The following ADGRL2 variants were observed in gnomAD, a reference collection of about 807,000 sequenced individuals.
ADGRL2 encodes the protein calcium-independent alpha-latrotoxin receptor 2.
In ADGRL2, 44 loss-of-function variants were observed where a neutral mutation model predicts 157.4. The ratio of observed to expected loss-of-function variants is 0.28; its 90% CI spans 0.22 to 0.36. The LOEUF (loss-of-function observed/expected upper bound fraction) is 0.36, where lower values mean the gene tolerates loss of function less well. ADGRL2 is among the 10% of genes least tolerant of loss of function. The pLI, the probability that ADGRL2 is intolerant of heterozygous loss-of-function variation, is 1.00. For synonymous variants in ADGRL2, 585 were observed against 624.7 expected, an observed-to-expected ratio of 0.94 and a Z score of 0.95; for missense variants, 1,510 against 1,768.9, an observed-to-expected ratio of 0.85 and a Z score of 2.63.
chr1:81,529,184 A>C (rs554178568), intron 2 of ADGRL2, among the ~76,000 whole-genome samples: 1 of 152,270 alleles, frequency 6.6e-6, no homozygotes, highest in Admixed American at 6.5e-5. Flanking sequence ...GAATCCCAGG[A>C]GGGAAGTAGG....
chr1:81,645,440 C>T (rs1339081308), intron 3 of ADGRL2, among the ~76,000 whole-genome samples: 1 of 146,568 alleles, frequency 6.8e-6, no homozygotes, highest in Non-Finnish European at 1.5e-5. Flanking sequence ...TGCACGAGTA[C>T]ATTACAATAA....
At chr1:81,849,056 T>C (rs2092907689) in intron 2 of ADGRL2, among the ~76,000 whole-genome samples, 1 of 151,956 alleles carries the variant, frequency 6.6e-6, no homozygotes, top group Admixed American at 6.6e-5. Context: ...CCTGTTAGCT[T>C]TCAAAAGCTC....
Position 81,430,081 on chromosome 1 carries a change from C to T in ADGRL2, c.-301-14955C>T, listed in dbSNP as rs368915837. On this transcript the variant is annotated intron_variant, in intron 1 of 24. Coordinates refer to the ADGRL2 transcript ENST00000370721. ...GCTTATTTTGTATTTTCAGTAGAGA[C>T]GGGGTTTTTCCATGTTGGTCAGGCT... Among the ~76,000 whole-genome samples, 410 of 152,126 alleles carry T rather than the reference C, an allele frequency of 2.7e-3. 2 individuals carry two copies. The highest frequency in any genetic ancestry group is 9.4e-3 in the African/African-American group (391 of 41,482).
chr1:81,944,119 G>A (rs575389407), intron 6 of ADGRL2, among the ~76,000 whole-genome samples: 2 of 151,858 alleles, frequency 1.3e-5, no homozygotes, highest in South Asian at 2.1e-4. Flanking sequence ...TTAACTTCTT[G>A]GCGCCAGTGG....
At chr1:81,402,613 G>A (rs2076776859) in intron 1 of ADGRL2, among the ~76,000 whole-genome samples, 1 of 152,090 alleles carries the variant, frequency 6.6e-6, no homozygotes, top group African/African-American at 2.4e-5. Context: ...AATTCCTCCT[G>A]AACTTCCTAC....
chr1:81,925,208 C>T (rs1183789424), intron 3 of ADGRL2, among the ~76,000 whole-genome samples: 3 of 152,038 alleles, frequency 2.0e-5, no homozygotes, highest in Non-Finnish European at 4.4e-5. Context: ...ACAGTTTTCA[C>T]TTTGTTGAAC....
At chr1:81,742,693 G>A (rs528955519) in intron 1 of ADGRL2, among the ~76,000 whole-genome samples, 4 of 151,948 alleles carry the variant, frequency 2.6e-5, no homozygotes, top group Admixed American at 6.6e-5. Context: ...AGCCCCTAGC[G>A]TACTAAGAGA....
chr1:81,796,528 G>C (rs1186760467), upstream of ADGRL2, among the ~76,000 whole-genome samples: 1 of 152,134 alleles, frequency 6.6e-6, no homozygotes, highest in African/African-American at 2.4e-5. Flanking sequence ...AAAACTTTGA[G>C]TTGTTTAAGA....
At chr1:81,403,727 A>G (rs2076803567) in intron 1 of ADGRL2, among the ~76,000 whole-genome samples, 1 of 151,854 alleles carries the variant, frequency 6.6e-6, no homozygotes, top group East Asian at 1.9e-4. Flanking sequence ...ATGTTTCTAT[A>G]TTTGTACATT....
intron 1 of ADGRL2, among the ~76,000 whole-genome samples, chr1:81,745,282 TTCTC>T (rs1292448273): frequency 6.6e-6 from 1 of 152,226 alleles, no homozygotes; most frequent in African/African-American, 2.4e-5. Context: ...CTCTTGATCT[TTCTC>T]TCTGAGAAGC....
At chr1:81,501,934 T>C in intron 2 of ADGRL2, 6 of 1,613,774 alleles carry the variant, frequency 3.7e-6, no homozygotes, top group Non-Finnish European at 5.1e-6. Flanking sequence ...CGCAGCCGAC[T>C]CTCTTTTCCG....
intron 2 of ADGRL2, among the ~76,000 whole-genome samples, chr1:81,893,640 G>C (rs1332230150): frequency 6.6e-6 from 1 of 152,134 alleles, no homozygotes; most frequent in Non-Finnish European, 1.5e-5. Context: ...AGTGTGTAGG[G>C]GCAGAGCTTA....
intron 2 of ADGRL2, among the ~76,000 whole-genome samples, chr1:81,870,997 A>G (rs2093677199): frequency 6.7e-6 from 1 of 149,006 alleles, no homozygotes; most frequent in Non-Finnish European, 1.5e-5. Flanking sequence ...CAGGTTTGTT[A>G]CATATGTATA....
chr1:81,970,569 G>A, intron 16 of ADGRL2, 35 bp downstream of exon 16: 1 of 1,541,022 alleles, frequency 6.5e-7, no homozygotes, highest in African/African-American at 1.4e-5. Flanking sequence ...TGTTTTTCAA[G>A]TGAATAATTT....
At chr1:81,504,921 C>A (rs1203645439) in intron 2 of ADGRL2, among the ~76,000 whole-genome samples, 1 of 152,174 alleles carries the variant, frequency 6.6e-6, no homozygotes, top group Admixed American at 6.5e-5. Context: ...GCAGGCGGCT[C>A]CTGTGCTGTA....
intron 3 of ADGRL2, among the ~76,000 whole-genome samples, chr1:81,925,212 G>A (rs1257365425): frequency 6.6e-6 from 1 of 152,032 alleles, no homozygotes; most frequent in Non-Finnish European, 1.5e-5. Flanking sequence ...TTTTCACTTT[G>A]TTGAACCTTT....
chr1:81,781,263 C>T (rs1367691790), intron 2 of ADGRL2, among the ~76,000 whole-genome samples: 2 of 152,066 alleles, frequency 1.3e-5, no homozygotes, highest in Non-Finnish European at 2.9e-5. Context: ...TCAATGTTTT[C>T]CCATCTCTAC....
intron 2 of ADGRL2, among the ~76,000 whole-genome samples, chr1:81,840,597 A>G (rs965820121): frequency 6.6e-6 from 1 of 152,108 alleles, no homozygotes; most frequent in Non-Finnish European, 1.5e-5. Context: ...TGTTATATCT[A>G]TCTATCTCTA....
intron 3 of ADGRL2, among the ~76,000 whole-genome samples, chr1:81,632,892 A>C (rs994858244): frequency 6.6e-6 from 1 of 152,188 alleles, no homozygotes; most frequent in African/African-American, 2.4e-5. Context: ...GTGGGATGGA[A>C]GTCATTGGAG....
Sources: gnomAD v4.1 joint callset for allele counts (sites outside exome capture counted in the v4.1 genomes callset) on GRCh38, gnomAD v4.1.1 for gene constraint, MANE v1.5 for transcripts, NCBI Gene and HGNC (gene_info 2026-07-23, HGNC 2026-07-21) for gene names.